The following KMT2E variants were observed in gnomAD, a reference collection of about 807,000 sequenced individuals.
The protein encoded by KMT2E is histone reader KMT2E.
A neutral mutation model predicts 184.6 loss-of-function variants in KMT2E; 30 were observed. The observed-to-expected ratio is 0.16, with a 90% CI of 0.12 to 0.22. The LOEUF (loss-of-function observed/expected upper bound fraction) is 0.22, where lower values mean the gene tolerates loss of function less well. KMT2E is among the 10% of genes least tolerant of loss of function. The pLI is 1.00. For missense variants in KMT2E, 2,023 were observed against 2,237.4 expected, an observed-to-expected ratio of 0.90 and a Z score of 1.93; for synonymous variants, 815 against 776.5, an observed-to-expected ratio of 1.05 and a Z score of -0.82.
intron 3 of KMT2E, among the ~76,000 whole-genome samples, chr7:105,053,724 T>A (rs780780695): frequency 2.6e-5 from 4 of 151,996 alleles, no homozygotes; most frequent in Non-Finnish European, 4.4e-5. Flanking sequence ...AAAATTTTTT[T>A]AAAAATTAGC....
chr7:105,040,765 A>G, intron 2 of KMT2E, 74 bp from the exon 3 acceptor site: 1 of 387,664 alleles, frequency 2.6e-6, no homozygotes, highest in Non-Finnish European at 4.6e-6. Flanking sequence ...TTAATAAAGA[A>G]TGTTTTCTTC....
intron 3 of KMT2E, among the ~76,000 whole-genome samples, chr7:105,057,889 T>C (rs1398568567): frequency 6.6e-6 from 1 of 152,246 alleles, no homozygotes; most frequent in African/African-American, 2.4e-5. Context: ...ACATAAAGTA[T>C]CCAGTTCATC....
At chr7:105,099,498 A>G (rs1283294158) in intron 15 of KMT2E, among the ~76,000 whole-genome samples, 1 of 152,090 alleles carries the variant, frequency 6.6e-6, no homozygotes, top group East Asian at 1.9e-4. Flanking sequence ...TTTACAGGGG[A>G]GTTTGATTTT....
At chr7:105,024,828 GAAAT>G (rs1272606113) in intron 1 of KMT2E, among the ~76,000 whole-genome samples, 7 of 152,246 alleles carry the variant, frequency 4.6e-5, no homozygotes, top group African/African-American at 1.7e-4. Context: ...TTCAGAGTCT[GAAAT>G]AAGCAAATAC....
Position 105,081,669 on chromosome 7 carries a change from C to A in KMT2E, c.1249-19C>A. On this transcript the variant is annotated intron_variant, in intron 12 of 26. Transcript: ENST00000311117. ...GCAGAAAGTAATTTATGGTAATGTA[C>A]AATTATTTTAACTTTTAGGTGAGGC... 2.6e-6 allele frequency: 3 copies of A among 1,158,844 alleles called. No homozygotes were observed. The highest frequency in any genetic ancestry group is 3.8e-6 in the Non-Finnish European group (3 of 784,676). 71.8% of individuals were successfully genotyped at this position (1,158,844 alleles called of 1,614,324 possible). A position where few individuals can be genotyped will look rare whatever the true frequency, so the allele number is the denominator to read the frequency against.
intron 13 of KMT2E, among the ~76,000 whole-genome samples, chr7:105,085,223 T>C (rs1260954729): frequency 6.6e-6 from 1 of 152,190 alleles, no homozygotes; most frequent in African/African-American, 2.4e-5. Context: ...TGTTTCAGTT[T>C]TTAAAAATTT....
At chr7:105,078,657 C>CTTTTTT (rs71152940) in intron 11 of KMT2E, among the ~76,000 whole-genome samples, 189 bp from the exon 12 acceptor site, 3 of 46,722 alleles carry the variant, frequency 6.4e-5, no homozygotes, top group Admixed American at 3.9e-4. Flanking sequence ...CATGCCTGGC[C>CTTTTTT]TTTTTTTTTT....
intron 1 of KMT2E, among the ~76,000 whole-genome samples, chr7:105,019,266 G>A (rs979981082): frequency 6.6e-6 from 1 of 152,066 alleles, no homozygotes; most frequent in Admixed American, 6.5e-5. Flanking sequence ...AAAGCAGTTG[G>A]TCTTATATTT....
chr7:105,029,376 A>G (rs936509717), intron 1 of KMT2E, among the ~76,000 whole-genome samples: 5 of 152,374 alleles, frequency 3.3e-5, no homozygotes, highest in East Asian at 3.9e-4. Context: ...TATATGTTCA[A>G]TAAATATGTT....
chr7:105,074,645 G>T lies in KMT2E; in HGVS notation c.559G>T (p.Gly187Cys). ...QRRKRENMSD[G>C]DTSATESGDE... ...AATAATTTTTATTTTGTCTGAAGAT[G>T]GTGATACCAGTGCAACTGAGAGTGG... Residue 187 changes from glycine to cysteine, a missense_variant and splice_region_variant, in exon 8 of 27, where the codon GGT (glycine) becomes TGT (cysteine). Physicochemically the swap from Gly to Cys is radical, Grantham distance 159 (BLOSUM62 -3). This residue lies in a region of KMT2E where 191 missense variants were observed against 209.0 expected (regional missense o/e 0.91). Transcript: ENST00000311117. The T allele has an allele frequency of 1.3e-6, 2 of 1,505,960 alleles. No homozygotes were observed. Among genetic ancestry groups the T allele is most frequent in the South Asian group, 2.7e-5 (2 of 73,764 alleles). The allele number at this position is 1,505,960 out of a possible 1,614,324, so 93.3% of individuals were successfully genotyped here.
At chr7:105,058,315 T>C (rs1796655538) in intron 3 of KMT2E, among the ~76,000 whole-genome samples, 1 of 152,218 alleles carries the variant, frequency 6.6e-6, no homozygotes, top group Admixed American at 6.5e-5. Flanking sequence ...AAATAAAGCT[T>C]GGTTGTCTAA....
At chr7:105,077,638 TC>T (rs1797586967) in intron 11 of KMT2E, 1 of 493,414 alleles carries the variant, frequency 2.0e-6, no homozygotes, top group Non-Finnish European at 3.6e-6. Context: ...AAAGATATAT[TC>T]CGGTCTCTTG....
At chr7:105,024,225 A>G (rs73718220) in intron 1 of KMT2E, among the ~76,000 whole-genome samples, 6,002 of 152,316 alleles carry the variant, frequency 0.039, 423 homozygotes, top group African/African-American at 0.14. Flanking sequence ...AATGAAATAC[A>G]GTGGATACTT....
intron 3 of KMT2E, among the ~76,000 whole-genome samples, chr7:105,051,249 G>A (rs959862947): frequency 2.0e-5 from 3 of 150,070 alleles, no homozygotes; most frequent in Non-Finnish European, 4.4e-5. Context: ...GCAATGGCAC[G>A]ATCTTGGCTC....
chr7:105,082,560 ATCC>A (rs1391675337), intron 13 of KMT2E, among the ~76,000 whole-genome samples: 1 of 152,132 alleles, frequency 6.6e-6, no homozygotes. Context: ...AAAGGTCTTC[ATCC>A]TCATCTTCAT....
chr7:105,042,844 CAT>C (rs1447710446), intron 3 of KMT2E, among the ~76,000 whole-genome samples: 1 of 152,180 alleles, frequency 6.6e-6, no homozygotes, highest in Non-Finnish European at 1.5e-5. Context: ...ATTGAGAAGT[CAT>C]GGAGATTTTT....
chr7:105,060,209 G>A (rs968912429), intron 3 of KMT2E, among the ~76,000 whole-genome samples: 2 of 151,476 alleles, frequency 1.3e-5, no homozygotes, highest in Admixed American at 6.6e-5. Context: ...TGGCCAGGCT[G>A]GTCTTGAACT....
chr7:105,082,364 C>T (rs976100152), intron 13 of KMT2E, among the ~76,000 whole-genome samples: 1 of 152,156 alleles, frequency 6.6e-6, no homozygotes, highest in Non-Finnish European at 1.5e-5. Flanking sequence ...CATTTTGACT[C>T]CCCAGAAACT....
chr7:105,076,442 T>C (rs1367283559), intron 9 of KMT2E, among the ~76,000 whole-genome samples: 3 of 152,218 alleles, frequency 2.0e-5, no homozygotes, highest in Non-Finnish European at 4.4e-5. Context: ...TTTGCATAGT[T>C]GGGATTCTAG....
Sources: gnomAD v4.1 joint callset for allele counts (sites outside exome capture counted in the v4.1 genomes callset) on GRCh38, gnomAD v4.1.1 for gene constraint, gnomAD v4.1.1 regional missense constraint, MANE v1.5 for transcripts, NCBI Gene and HGNC (gene_info 2026-07-23, HGNC 2026-07-21) for gene names.